Variants in DDIAS observed in about 807,000 individuals in gnomAD.
DDIAS encodes the protein DNA damage-induced apoptosis suppressor protein.
Under a neutral mutation model 15.7 loss-of-function variants are expected in DDIAS, and 14 were observed. That is an observed-to-expected ratio of 0.89 (90% CI 0.59 to 1.39). DDIAS has a LOEUF of 1.39. DDIAS is among the 40% of genes most tolerant of loss of function. The probability of loss-of-function intolerance (pLI) is 0.00; values close to 1 mark genes in which losing one functional copy is unlikely to be tolerated. For missense variants in DDIAS, 1,035 were observed against 1,130.9 expected (o/e 0.92, Z 1.22); for synonymous variants, 355 against 395.9 (o/e 0.90, Z 1.23).
At chr11:82,929,594 G>A (rs1044348222) in intron 4 of DDIAS, among the ~76,000 whole-genome samples, 2 of 151,516 alleles carry the variant, frequency 1.3e-5, no homozygotes, top group Non-Finnish European at 2.9e-5. Flanking sequence ...TCCCAGCTAC[G>A]CCGGGAGGCT....
chr11:82,933,370 G>C lies in DDIAS; in HGVS notation c.2032G>C (p.Asp678His). ...GYEGSYDASADLFDDIAKEMD... is the reference protein window; with the variant it reads ...GYEGSYDASAHLFDDIAKEMD... ...TGAAGGTAGCTATGATGCCTCTGCT[G>C]ATCTCTTTGATGATATTGCTAAAGA... The change falls in exon 6 of 6, where the codon GAT becomes CAT. Residue 678 changes from aspartate to histidine, a missense_variant. By Grantham distance (81) the Asp-to-His change is moderately conservative (BLOSUM62 -1). Transcript: ENST00000533655. The C allele has an allele frequency of 6.2e-7, 1 of 1,613,978 alleles. No homozygotes were observed. Among genetic ancestry groups the C allele is most frequent in the Non-Finnish European group, 8.5e-7 (1 of 1,179,944 alleles).
At chr11:82,922,805 T>C (rs529325539) in intron 3 of DDIAS, 2 of 152,290 alleles carry the variant, frequency 1.3e-5, no homozygotes, top group East Asian at 1.9e-4. Context: ...TTCCTTCTTA[T>C]TTGGGTAGGC....
intron 3 of DDIAS, among the ~76,000 whole-genome samples, chr11:82,928,261 C>T (rs1263193648): frequency 8.4e-6 from 1 of 118,572 alleles, no homozygotes; most frequent in Non-Finnish European, 1.6e-5. Flanking sequence ...TGCAGTGGTG[C>T]GATCTTGGCT....
At chr11:82,907,802 A>G (rs955307120) in intron 1 of DDIAS, among the ~76,000 whole-genome samples, 3 of 152,198 alleles carry the variant, frequency 2.0e-5, no homozygotes, top group African/African-American at 7.2e-5. Flanking sequence ...TGGCCTCCCA[A>G]AGTGCTGGGA....
At chr11:82,910,617 T>C (rs1277052616) in intron 1 of DDIAS, among the ~76,000 whole-genome samples, 46 of 138,316 alleles carry the variant, frequency 3.3e-4, no homozygotes, top group Middle Eastern at 3.5e-3. Context: ...TTTTTTTTTT[T>C]TTTTTTTTTT....
chr11:82,920,613 A>G (rs1040166836), intron 3 of DDIAS, among the ~76,000 whole-genome samples: 1 of 152,146 alleles, frequency 6.6e-6, no homozygotes, highest in African/African-American at 2.4e-5. Context: ...TTAAATTTCC[A>G]TCTTGATTTC....
chr11:82,931,328 T>C (rs941056348), intron 5 of DDIAS, among the ~76,000 whole-genome samples: 1 of 152,108 alleles, frequency 6.6e-6, no homozygotes, highest in African/African-American at 2.4e-5. Context: ...AATAGTTGTA[T>C]CTGTTTTAAC....
At chr11:82,910,689 C>T (rs1394682900) in intron 1 of DDIAS, among the ~76,000 whole-genome samples, 2 of 144,374 alleles carry the variant, frequency 1.4e-5, no homozygotes, top group African/African-American at 2.6e-5. Context: ...GAATACAGCT[C>T]ACTTCAGTCT....
chr11:82,906,999 C>A (rs1860445329), intron 1 of DDIAS, among the ~76,000 whole-genome samples: 1 of 151,982 alleles, frequency 6.6e-6, no homozygotes, highest in Admixed American at 6.6e-5. Flanking sequence ...TACTTTGAGT[C>A]CAGGAAAAAC....
At chr11:82,911,924 G>A (rs769086344) in intron 1 of DDIAS, among the ~76,000 whole-genome samples, 15 of 152,232 alleles carry the variant, frequency 9.9e-5, no homozygotes, top group Non-Finnish European at 1.5e-5. Context: ...GAGCTCTTGG[G>A]TGACCAGGTG....
intron 3 of DDIAS, among the ~76,000 whole-genome samples, chr11:82,916,616 A>T (rs1860636739): frequency 6.6e-6 from 1 of 152,246 alleles, no homozygotes; most frequent in Non-Finnish European, 1.5e-5. Context: ...AATCTGCAAC[A>T]AAAATTTAGG....
intron 1 of DDIAS, among the ~76,000 whole-genome samples, chr11:82,910,399 T>G (rs1168476405): frequency 6.6e-6 from 1 of 150,706 alleles, no homozygotes; most frequent in Non-Finnish European, 1.5e-5. Context: ...TGCCTCAGTA[T>G]CCTGAGTAGC....
chr11:82,932,952 C>A lies in DDIAS; in HGVS notation c.1614C>A (p.Tyr538Ter), dbSNP rs1313553865. The stretch of plus-strand genomic sequence containing the variant: ...CAGAATATTTTTTACCGAATCCTTA[C>A]CTGTCAGCTCTGTCTTCATCTTCAA... Reference protein sequence around the residue: ...DMSEYFLPNPYLSALSSSSKD... With the variant: ...DMSEYFLPNP The change falls in exon 6 of 6, where the codon TAC (tyrosine) becomes TAA (stop). Residue 538 changes from tyrosine to a stop codon, truncating the protein, a stop_gained. Transcript: ENST00000533655. LOFTEE classifies it low-confidence loss of function (END_TRUNC). 3.1e-6 allele frequency: 5 copies of A among 1,612,264 alleles called. No individual in the cohort carries two copies. The highest frequency in any genetic ancestry group is 4.2e-6 in the Non-Finnish European group (5 of 1,179,238).
In DDIAS at chr11:82,931,940, A is replaced by G. The variant is rs760046141; in HGVS notation, c.602A>G (p.Asn201Ser). 1 of 1,614,138 alleles carries G rather than the reference A, an allele frequency of 6.2e-7. No homozygotes were observed. Among genetic ancestry groups the G allele is most frequent in the South Asian group, 1.1e-5 (1 of 91,080 alleles). The stretch of plus-strand genomic sequence containing the variant: ...CTTCAGTGTGACTCTCAGGCACCTA[A>G]CAATCACTTACTTGCTTTAGATCAC... ...RKLQCDSQAPNNHLLALDHSN... is the reference protein window; with the variant it reads ...RKLQCDSQAPSNHLLALDHSN... Residue 201 changes from asparagine to serine, a missense_variant, in exon 6 of 6, where the codon AAC becomes AGC. Physicochemically the swap from Asn to Ser is conservative, Grantham distance 46. Coordinates refer to ENST00000533655, the MANE Select transcript of DDIAS (RefSeq NM_145018.4).
At chr11:82,906,469 G>C (rs1860433848) in intron 1 of DDIAS, among the ~76,000 whole-genome samples, 2 of 152,068 alleles carry the variant, frequency 1.3e-5, no homozygotes, top group Admixed American at 6.5e-5. Flanking sequence ...AAAATTTCCT[G>C]CTTATTTAAG....
At position 82,932,759 on chromosome 11, in the gene DDIAS, C is replaced by T. The variant is rs772411518; in HGVS notation, c.1421C>T (p.Thr474Ile). ...CAGAGAACTACTGGAGCCCTGCATA[C>T]ACCACCTATAGCTTTAAGATCATCA... ...TPQRTTGALH[T>I]PPIALRSSQV... Residue 474 changes from threonine to isoleucine, a missense_variant, in exon 6 of 6, where the codon ACA (threonine) becomes ATA (isoleucine). Transcript: ENST00000533655. 1.1e-5 allele frequency: 17 copies of T among 1,613,934 alleles called. No individual in the cohort carries two copies. Among genetic ancestry groups the T allele is most frequent in the East Asian group, 2.2e-5 (1 of 44,900 alleles).
chr11:82,909,150 C>A (rs1460723139), intron 1 of DDIAS: 1 of 152,114 alleles, frequency 6.6e-6, no homozygotes, highest in Non-Finnish European at 1.5e-5. Flanking sequence ...GCTGGCTGCC[C>A]ATTTTTATGG....
intron 3 of DDIAS, among the ~76,000 whole-genome samples, chr11:82,927,592 C>T (rs1860888552): frequency 1.3e-5 from 2 of 151,738 alleles, no homozygotes; most frequent in African/African-American, 4.9e-5. Flanking sequence ...CTAGTATTAG[C>T]CATTACCATA....
At chr11:82,930,399 A>G (rs1860957723) in intron 5 of DDIAS, 125 bp downstream of exon 5, 1 of 673,060 alleles carries the variant, frequency 1.5e-6, no homozygotes, top group Non-Finnish European at 2.4e-6. Context: ...ACTTTAAACT[A>G]TGTAAAAATA....
Sources: allele counts gnomAD v4.1 joint callset (sites outside exome capture counted in the v4.1 genomes callset), GRCh38; gene constraint gnomAD v4.1.1; transcripts MANE v1.5; gene names NCBI Gene and HGNC (gene_info 2026-07-23, HGNC 2026-07-21).